The following EPHA3 variants were observed in gnomAD, a reference collection of about 807,000 sequenced individuals.
EPHA3 encodes ephrin type-A receptor 3.
EPHA3 carries 42 observed loss-of-function variants against 107.1 expected under a neutral mutation model. That is an observed-to-expected ratio of 0.39 (90% CI 0.31 to 0.51). The LOEUF (loss-of-function observed/expected upper bound fraction) is 0.51, where lower values mean the gene tolerates loss of function less well. Ranked by LOEUF, EPHA3 falls within the 20% of genes least tolerant of loss-of-function variation. EPHA3 has a pLI of 0.78. For synonymous variants in EPHA3, 461 were observed against 424.8 expected (o/e 1.09, Z -1.05); for missense variants, 1,183 against 1,211.2 (o/e 0.98, Z 0.35).
chr3:89,282,879 T>C (rs893891274), intron 3 of EPHA3, among the ~76,000 whole-genome samples: 1 of 152,160 alleles, frequency 6.6e-6, no homozygotes, highest in East Asian at 1.9e-4. Flanking sequence ...ATTTTGATCA[T>C]GTTAACTGAA....
chr3:89,478,942 C>T (rs536663006), intron 16 of EPHA3, among the ~76,000 whole-genome samples: 3 of 152,138 alleles, frequency 2.0e-5, no homozygotes, highest in African/African-American at 7.2e-5. Context: ...AATTCTTCCT[C>T]GTCTCTTCTA....
intron 3 of EPHA3, among the ~76,000 whole-genome samples, chr3:89,233,084 C>T (rs981427540): frequency 3.3e-5 from 5 of 152,088 alleles, no homozygotes; most frequent in East Asian, 3.9e-4. Context: ...TAAATACTTA[C>T]GTTACAAGGT....
intron 2 of EPHA3, among the ~76,000 whole-genome samples, chr3:89,148,786 T>C (rs1450367502): frequency 6.6e-6 from 1 of 152,044 alleles, no homozygotes; most frequent in Non-Finnish European, 1.5e-5. Flanking sequence ...ATCTGAATTA[T>C]TTTCAATTCC....
At chr3:89,472,354 GAAC>G in intron 15 of EPHA3, 107 bp from the exon 16 acceptor site, 4 of 1,160,842 alleles carry the variant, frequency 3.4e-6, no homozygotes, top group Non-Finnish European at 4.9e-6. Flanking sequence ...CAAATGAAAG[GAAC>G]ACCATATGAA....
intron 14 of EPHA3, among the ~76,000 whole-genome samples, chr3:89,449,890 CA>C (rs1313624179): frequency 1.3e-5 from 2 of 152,160 alleles, no homozygotes; most frequent in East Asian, 3.9e-4. Context: ...TTTATAACAC[CA>C]AATTTGCTCT....
chr3:89,207,867 A>G (rs1706143815), intron 2 of EPHA3, among the ~76,000 whole-genome samples: 1 of 152,212 alleles, frequency 6.6e-6, no homozygotes, highest in Non-Finnish European at 1.5e-5. Flanking sequence ...TTTGTGCTCC[A>G]TACTACAGTG....
intron 1 of EPHA3, among the ~76,000 whole-genome samples, chr3:89,112,859 G>T (rs1002879207): frequency 6.6e-6 from 1 of 150,836 alleles, no homozygotes; most frequent in African/African-American, 2.4e-5. Flanking sequence ...TGTATTTCTT[G>T]GAAGAACATT....
chr3:89,159,860 A>T (rs1704891500), intron 2 of EPHA3, among the ~76,000 whole-genome samples: 1 of 152,106 alleles, frequency 6.6e-6, no homozygotes, highest in South Asian at 2.1e-4. Flanking sequence ...AGATTAATTA[A>T]GAAAACTCTA....
At chr3:89,224,350 T>C (rs540250362) in intron 3 of EPHA3, among the ~76,000 whole-genome samples, 5 of 152,228 alleles carry the variant, frequency 3.3e-5, no homozygotes, top group Non-Finnish European at 5.9e-5. Flanking sequence ...GGATAGTTAA[T>C]TTACAATAAA....
At chr3:89,418,841 G>A (rs1265563180) in intron 10 of EPHA3, among the ~76,000 whole-genome samples, 1 of 151,374 alleles carries the variant, frequency 6.6e-6, no homozygotes, top group African/African-American at 2.4e-5. Context: ...TTTAATCACT[G>A]TTGGTGCTGT....
rs1017193007 is a variant in EPHA3 at position 89,456,029 on chromosome 3, C to T, written c.2690+5659C>T. 1.5e-4 allele frequency among the ~76,000 whole-genome samples: 23 copies of T among 152,146 alleles called. No homozygotes were observed. The South Asian group carries it at 1.7e-3, about 11-fold the overall frequency. On this transcript the variant is annotated intron_variant, in intron 15 of 16. Transcript: ENST00000336596. ...ATAATGGGTGCTCTGTAAATGTCTCCTAAATACCTAATAAATATGTGCTGA... is the reference window on the plus strand; with the variant it reads ...ATAATGGGTGCTCTGTAAATGTCTCTTAAATACCTAATAAATATGTGCTGA...
intron 5 of EPHA3, among the ~76,000 whole-genome samples, chr3:89,348,156 T>G (rs1311602249): frequency 7.1e-6 from 1 of 140,354 alleles, no homozygotes; most frequent in Non-Finnish European, 1.6e-5. Context: ...GATTCCCTCT[T>G]TTTCTATTGA....
Position 89,426,120 on chromosome 3 carries a change from G to A in EPHA3, c.2075-2986G>A, listed in dbSNP as rs1261751633. Among the ~76,000 whole-genome samples, 15 of 151,680 alleles carry A rather than the reference G, an allele frequency of 9.9e-5. No homozygotes were observed. In the Admixed American group the frequency reaches 9.9e-4, roughly 10 times the overall value. ...TATGTATACCCAGATGTGTTTTGGGGTTTCTGAGAGCCGCAAATGATACAA... is the reference window on the plus strand; with the variant it reads ...TATGTATACCCAGATGTGTTTTGGGATTTCTGAGAGCCGCAAATGATACAA... On this transcript the variant is annotated intron_variant, in intron 11 of 16. Coordinates refer to ENST00000336596, the MANE Select transcript of EPHA3 (RefSeq NM_005233.6).
At chr3:89,157,121 A>G (rs1212785278) in intron 2 of EPHA3, among the ~76,000 whole-genome samples, 1 of 152,052 alleles carries the variant, frequency 6.6e-6, no homozygotes, top group Non-Finnish European at 1.5e-5. Flanking sequence ...TGAAATTGTG[A>G]TGAAGTGAAG....
At chr3:89,231,028 CA>C (rs1457885425) in intron 3 of EPHA3, among the ~76,000 whole-genome samples, 4 of 151,940 alleles carry the variant, frequency 2.6e-5, no homozygotes, top group African/African-American at 7.3e-5. Context: ...ATATATTAAT[CA>C]CACACAAAAC....
chr3:89,342,154 G>T (rs1037932084), intron 5 of EPHA3, 64 bp downstream of exon 5: 17 of 1,436,006 alleles, frequency 1.2e-5, no homozygotes, highest in African/African-American at 1.4e-5. Flanking sequence ...TTTTGACTCT[G>T]GGTGGAAAAC....
chr3:89,318,417 T>G (rs989974777), intron 3 of EPHA3, among the ~76,000 whole-genome samples: 2 of 151,890 alleles, frequency 1.3e-5, no homozygotes, highest in African/African-American at 2.4e-5. Flanking sequence ...GGTATGATGA[T>G]AGTTTGTATT....
intron 3 of EPHA3, among the ~76,000 whole-genome samples, chr3:89,300,213 AT>A (rs1046293315): frequency 2.6e-5 from 4 of 151,872 alleles, no homozygotes; most frequent in Non-Finnish European, 4.4e-5. Context: ...ATGGATTATT[AT>A]TTTTTTAATC....
At chr3:89,211,789 T>C (rs1438042709) in intron 3 of EPHA3, among the ~76,000 whole-genome samples, 4 of 134,240 alleles carry the variant, frequency 3.0e-5, no homozygotes, top group Admixed American at 7.2e-5. Flanking sequence ...CTTCTTCTTC[T>C]TCTTCTTCTT....
Sources: allele counts gnomAD v4.1 joint callset (sites outside exome capture counted in the v4.1 genomes callset), GRCh38; gene constraint gnomAD v4.1.1; transcripts MANE v1.5; gene names NCBI Gene and HGNC (gene_info 2026-07-23, HGNC 2026-07-21).